COL24A1: variants seen among roughly 807,000 people sequenced by gnomAD.
COL24A1 encodes collagen alpha-1(XXIV) chain.
In COL24A1, 224 loss-of-function variants were observed where a neutral mutation model predicts 253.9. That is an observed-to-expected ratio of 0.88 (90% CI 0.79 to 0.99). The LOEUF is 0.99. Ranked by LOEUF, COL24A1 falls within the 50% of genes least tolerant of loss-of-function variation. COL24A1 has a pLI of 0.00. For synonymous variants in COL24A1, 685 were observed against 673.7 expected, an observed-to-expected ratio of 1.02 and a Z score of -0.26; for missense variants, 2,131 against 2,068.5, an observed-to-expected ratio of 1.03 and a Z score of -0.59.
intron 5 of COL24A1, among the ~76,000 whole-genome samples, chr1:86,108,368 T>G (rs1006837278): frequency 6.6e-6 from 1 of 152,070 alleles, no homozygotes; most frequent in Admixed American, 6.6e-5. Context: ...TATACACATT[T>G]TAAGAAGTCA....
intron 12 of COL24A1, among the ~76,000 whole-genome samples, chr1:86,043,676 C>A (rs535033323): frequency 6.6e-6 from 1 of 152,066 alleles, no homozygotes; most frequent in Non-Finnish European, 1.5e-5. Context: ...TACAGGCACA[C>A]ACCACCACGC....
At chr1:86,026,092 A>G (rs1697999807) in intron 14 of COL24A1, among the ~76,000 whole-genome samples, 1 of 152,216 alleles carries the variant, frequency 6.6e-6, no homozygotes. Flanking sequence ...TGTTCATATT[A>G]TTAGGCCTAG....
intron 24 of COL24A1, among the ~76,000 whole-genome samples, chr1:85,948,137 G>C (rs1293587171): frequency 6.6e-6 from 1 of 152,052 alleles, no homozygotes; most frequent in East Asian, 1.9e-4. Context: ...CTTTTTTCAA[G>C]AAGGCTTCTT....
intron 5 of COL24A1, among the ~76,000 whole-genome samples, chr1:86,110,093 C>G (rs1397465967): frequency 1.3e-5 from 2 of 151,786 alleles, no homozygotes; most frequent in Non-Finnish European, 2.9e-5. Context: ...TATTTTGTTA[C>G]AGCAGCCTGA....
chr1:86,107,736 C>T (rs375523840), intron 5 of COL24A1, among the ~76,000 whole-genome samples: 22 of 151,830 alleles, frequency 1.4e-4, no homozygotes, highest in African/African-American at 4.8e-4. Flanking sequence ...GGGGTTTCAC[C>T]GTGTTAGCCA....
At chr1:85,827,098 C>G (rs1674462739) in intron 43 of COL24A1, among the ~76,000 whole-genome samples, 1 of 151,992 alleles carries the variant, frequency 6.6e-6, no homozygotes, top group African/African-American at 2.4e-5. Flanking sequence ...GAGATACGTC[C>G]CATCAATACC....
intron 19 of COL24A1, among the ~76,000 whole-genome samples, chr1:86,012,584 G>T (rs899729688): frequency 2.7e-5 from 4 of 150,344 alleles, no homozygotes; most frequent in Non-Finnish European, 5.9e-5. Flanking sequence ...GTGAGACTCT[G>T]TCTCAAAAAA....
At chr1:85,878,197 AAAT>A (rs1287819591) in intron 32 of COL24A1, among the ~76,000 whole-genome samples, 1 of 152,232 alleles carries the variant, frequency 6.6e-6, no homozygotes, top group African/African-American at 2.4e-5. Flanking sequence ...TAAACCACAC[AAAT>A]TTATTTCCCA....
intron 45 of COL24A1, among the ~76,000 whole-genome samples, chr1:85,819,848 CT>C (rs550894402): frequency 0.025 from 3,350 of 135,816 alleles, 75 homozygotes; most frequent in African/African-American, 0.083. Context: ...TTCTCTTTTC[CT>C]TTTTTTTTTT....
Position 86,081,457 on chromosome 1 carries a change from T to C in COL24A1, c.1707+7717A>G, listed in dbSNP as rs532678626. 3.9e-5 allele frequency among the ~76,000 whole-genome samples: 6 copies of C among 152,346 alleles called. No individual in the cohort carries two copies. In the South Asian group the frequency reaches 6.2e-4, roughly 16 times the overall value. ...AATCTTAAATGTCAGCAGTGTCTCATGTCCAGCTATTTGTTTTAAAATTCC... is the reference window on the plus strand; with the variant it reads ...AATCTTAAATGTCAGCAGTGTCTCACGTCCAGCTATTTGTTTTAAAATTCC... On this transcript the variant is annotated intron_variant, in intron 7 of 59. Coordinates refer to ENST00000370571, the MANE Select transcript of COL24A1 (RefSeq NM_152890.7).
Position 86,084,162 on chromosome 1 carries a change from G to A in COL24A1, c.1707+5012C>T, listed in dbSNP as rs543319818. Among the ~76,000 whole-genome samples the A allele has an allele frequency of 8.5e-5, 13 of 152,212 alleles. No individual in the cohort carries two copies. The East Asian group carries it at 2.5e-3, about 29-fold the overall frequency. ...TGAGAAATAGTGATAAAATAGGATG[G>A]TATAGTTATCAAAAAAAGAATCCCT... On this transcript the variant is annotated intron_variant, in intron 7 of 59. Coordinates refer to ENST00000370571, the MANE Select transcript of COL24A1 (RefSeq NM_152890.7).
At chr1:85,887,631 A>T (rs894818891) in intron 32 of COL24A1, among the ~76,000 whole-genome samples, 15 of 152,210 alleles carry the variant, frequency 9.9e-5, no homozygotes, top group African/African-American at 3.6e-4. Flanking sequence ...TTTGATTTAC[A>T]GAAGTATAAC....
intron 35 of COL24A1, among the ~76,000 whole-genome samples, chr1:85,873,156 A>T (rs1323394623): frequency 6.6e-6 from 1 of 152,242 alleles, no homozygotes; most frequent in African/African-American, 2.4e-5. Context: ...CACCAGTTAG[A>T]ATGGCGATCA....
intron 3 of COL24A1, 104 bp from the exon 4 acceptor site, chr1:86,115,482 C>T: frequency 9.6e-7 from 1 of 1,036,376 alleles, no homozygotes; most frequent in Non-Finnish European, 1.4e-6. Flanking sequence ...TTTCAGTCCC[C>T]AGTTCCCAGC....
intron 24 of COL24A1, among the ~76,000 whole-genome samples, chr1:85,955,942 C>T (rs182602852): frequency 3.7e-4 from 57 of 152,296 alleles, no homozygotes; most frequent in African/African-American, 1.4e-3. Flanking sequence ...GCCAGCTTGG[C>T]TTAAGATATT....
chr1:85,987,535 T>C, intron 20 of COL24A1, 66 bp downstream of exon 20: 1 of 1,338,368 alleles, frequency 7.5e-7, no homozygotes, highest in Non-Finnish European at 1.1e-6. Flanking sequence ...ATTTTTCCCA[T>C]TTATTGAGAA....
chr1:86,074,901 G>C (rs1702137289), intron 7 of COL24A1, among the ~76,000 whole-genome samples: 1 of 152,198 alleles, frequency 6.6e-6, no homozygotes, highest in Admixed American at 6.5e-5. Flanking sequence ...CAGTTAAGCA[G>C]TGTTTAGAGG....
chr1:86,061,987 T>C (rs1701125387), intron 8 of COL24A1, among the ~76,000 whole-genome samples: 1 of 152,082 alleles, frequency 6.6e-6, no homozygotes, highest in African/African-American at 2.4e-5. Context: ...TTCTCTGTTT[T>C]TTCATTAGTA....
chr1:85,858,206 A>G (rs897069920), intron 37 of COL24A1, among the ~76,000 whole-genome samples: 2 of 152,110 alleles, frequency 1.3e-5, no homozygotes, highest in Admixed American at 1.3e-4. Context: ...AGCCCAAATA[A>G]TCACTAACAA....
Sources: allele counts gnomAD v4.1 joint callset (sites outside exome capture counted in the v4.1 genomes callset), GRCh38; gene constraint gnomAD v4.1.1; transcripts MANE v1.5; gene names NCBI Gene and HGNC (gene_info 2026-07-23, HGNC 2026-07-21).